The following CNTNAP5 variants were observed in gnomAD, a reference collection of about 807,000 sequenced individuals.
CNTNAP5 encodes the protein contactin associated protein family member 5, also known as contactin-associated protein-like 5.
Under a neutral mutation model 150.2 loss-of-function variants are expected in CNTNAP5, and 72 were observed. The observed-to-expected ratio is 0.48, with a 90% CI of 0.40 to 0.58. CNTNAP5 has a LOEUF of 0.58. Ranked by LOEUF, CNTNAP5 falls within the 20% of genes least tolerant of loss-of-function variation. The probability of loss-of-function intolerance (pLI) is 0.00; values close to 1 mark genes in which losing one functional copy is unlikely to be tolerated. For synonymous variants in CNTNAP5, 672 were observed against 619.8 expected, an observed-to-expected ratio of 1.08 and a Z score of -1.25; for missense variants, 1,636 against 1,626.2, an observed-to-expected ratio of 1.01 and a Z score of -0.10.
At chr2:124,027,770 A>G (rs963451021) in intron 1 of CNTNAP5, among the ~76,000 whole-genome samples, 2 of 152,202 alleles carry the variant, frequency 1.3e-5, no homozygotes, top group Admixed American at 6.5e-5. Flanking sequence ...CTGCTTGCTA[A>G]ATATTTTGAA....
Position 124,860,445 on chromosome 2 carries a change from TTCCTTCTTTCCTTCCTTCC to T in CNTNAP5, c.3218-4859_3218-4841del, listed in dbSNP as rs1558803791. On this transcript the variant is annotated intron_variant, in intron 19 of 23. Transcript: ENST00000682447. Reference sequence around the variant, plus strand: ...CTTCCTTCCTTCCTTCCTTCCTTCCTTCCTTCTTTCCTTCCTTCCTTCCTTCCTTCCTTCCTTCCTTCCT... The same window carrying T: ...CTTCCTTCCTTCCTTCCTTCCTTCCTTTCCTTCCTTCCTTCCTTCCTTCCT... Among the ~76,000 whole-genome samples, 644 of 114,558 alleles carry T rather than the reference TTCCTTCTTTCCTTCCTTCC, an allele frequency of 5.6e-3. 37 individuals are homozygous for T. Among genetic ancestry groups the T allele is most frequent in the African/African-American group, 0.025 (620 of 24,944 alleles). 75.2% of individuals were successfully genotyped at this position (114,558 alleles called of 152,430 possible).
chr2:124,349,874 C>CTTTTTTTTTTTTTTT lies in CNTNAP5; in HGVS notation c.382-67555_382-67541dup, dbSNP rs70996061. On this transcript the variant is annotated intron_variant, in intron 3 of 23. Coordinates refer to ENST00000682447, the MANE Select transcript of CNTNAP5 (RefSeq NM_001367498.1). ...GTTTTGAAATGACTTCTGGCTATTTCTTTTTTTTTTTTTTTTTTTTTTTTT... is the reference window on the plus strand; with the variant it reads ...GTTTTGAAATGACTTCTGGCTATTTCTTTTTTTTTTTTTTTTTTTTTTTTTTTTTTTTTTTTTTTT... 6.1e-4 allele frequency among the ~76,000 whole-genome samples: 50 copies of CTTTTTTTTTTTTTTT among 81,822 alleles called. 11 individuals carry two copies. The highest frequency in any genetic ancestry group is 1.4e-3 in the African/African-American group (28 of 19,828). The allele number at this position is 81,822 out of a possible 152,430, so 53.7% of individuals were successfully genotyped here.
intron 10 of CNTNAP5, among the ~76,000 whole-genome samples, chr2:124,560,571 A>G (rs192616209): frequency 6.6e-6 from 1 of 151,126 alleles, no homozygotes; most frequent in Non-Finnish European, 1.5e-5. Flanking sequence ...TTCTTTTTGT[A>G]ATTACAGGAT....
intron 17 of CNTNAP5, among the ~76,000 whole-genome samples, chr2:124,781,698 CCCT>C (rs572594489): frequency 1.1e-3 from 168 of 152,278 alleles, no homozygotes; most frequent in African/African-American, 3.9e-3. Context: ...TGCACTGGAG[CCCT>C]GCTTTGGACT....
At chr2:124,492,012 G>T (rs1694041315) in intron 7 of CNTNAP5, among the ~76,000 whole-genome samples, 1 of 151,968 alleles carries the variant, frequency 6.6e-6, no homozygotes, top group African/African-American at 2.4e-5. Flanking sequence ...TGCATATTTT[G>T]TATAGTACCC....
intron 5 of CNTNAP5, among the ~76,000 whole-genome samples, chr2:124,437,565 T>C (rs1014292333): frequency 1.3e-5 from 2 of 152,008 alleles, no homozygotes; most frequent in Non-Finnish European, 2.9e-5. Context: ...AAAAGAAAAA[T>C]CCAACTCTTA....
intron 1 of CNTNAP5, among the ~76,000 whole-genome samples, chr2:124,033,117 GTC>G (rs1681110240): frequency 6.6e-6 from 1 of 152,132 alleles, no homozygotes; most frequent in African/African-American, 2.4e-5. Flanking sequence ...TAAATTCCAT[GTC>G]TCTACATTTC....
At chr2:124,856,929 T>C (rs940368299) in intron 19 of CNTNAP5, among the ~76,000 whole-genome samples, 1 of 152,138 alleles carries the variant, frequency 6.6e-6, no homozygotes, top group African/African-American at 2.4e-5. Context: ...GAGCATGAGG[T>C]CCTGGGGGTC....
intron 1 of CNTNAP5, among the ~76,000 whole-genome samples, chr2:124,185,752 C>A (rs1412354163): frequency 1.3e-5 from 2 of 152,112 alleles, no homozygotes; most frequent in Non-Finnish European, 2.9e-5. Context: ...ATCCTTGGCT[C>A]CTCTTTTATG....
intron 13 of CNTNAP5, among the ~76,000 whole-genome samples, chr2:124,733,048 C>T (rs1326516533): frequency 1.3e-5 from 2 of 152,088 alleles, no homozygotes; most frequent in Non-Finnish European, 2.9e-5. Context: ...TCCCTGTTCA[C>T]TTTATTTAAC....
At chr2:124,587,899 A>G (rs1696574146) in intron 11 of CNTNAP5, among the ~76,000 whole-genome samples, 1 of 152,186 alleles carries the variant, frequency 6.6e-6, no homozygotes, top group Non-Finnish European at 1.5e-5. Context: ...AAAAGAGGAG[A>G]GAAGAAATAT....
chr2:124,439,926 A>G (rs1692633018), intron 5 of CNTNAP5, among the ~76,000 whole-genome samples: 1 of 152,126 alleles, frequency 6.6e-6, no homozygotes. Context: ...CATTCCTACT[A>G]AGCTACATAA....
Position 124,685,648 on chromosome 2 carries a change from T to C in CNTNAP5, c.2077+37690T>C, listed in dbSNP as rs141493739. Among the ~76,000 whole-genome samples the C allele has an allele frequency of 9.4e-3, 1,436 of 152,174 alleles. 14 individuals carry two copies. The highest frequency in any genetic ancestry group is 0.02 in the Middle Eastern group (6 of 294). On this transcript the variant is annotated intron_variant, in intron 13 of 23. Transcript: ENST00000682447. ...TATAACTGAGGTTTTTTAAAACGAA[T>C]GCAATTTATTATCTAGGCAGTCTTC...
At position 124,865,394 on chromosome 2, in the gene CNTNAP5, C is replaced by A. The variant is rs1490791107; in HGVS notation, c.3306C>A (p.His1102Gln). The change falls in exon 20 of 24, where the codon CAC becomes CAA. Residue 1102 changes from histidine (H) to glutamine (Q), a missense_variant. Coordinates refer to ENST00000682447, the MANE Select transcript of CNTNAP5 (RefSeq NM_001367498.1). The stretch of plus-strand genomic sequence containing the variant: ...ATAACTTTGCTAACAGAAGGATGCA[C>A]CACTTGAAGATTAACCGAGAGGGAA... Reference protein sequence around the residue: ...DADNFANRRMHHLKINREGRE... With the variant: ...DADNFANRRMQHLKINREGRE... 6.4e-7 allele frequency: 1 copy of A among 1,553,034 alleles called. No homozygotes were observed. Among genetic ancestry groups the A allele is most frequent in the East Asian group, 2.4e-5 (1 of 41,156 alleles).
rs1375537029 is a variant in CNTNAP5, at chr2:124,380,486, G to A, written c.382-36957G>A. Among the ~76,000 whole-genome samples, 3 of 152,166 alleles carry A rather than the reference G, an allele frequency of 2.0e-5. No homozygotes were observed. In the East Asian group the frequency reaches 5.8e-4, roughly 29 times the overall value. On this transcript the variant is annotated intron_variant, in intron 3 of 23. Transcript: ENST00000682447. The stretch of plus-strand genomic sequence containing the variant: ...CTGTAATTCTCTGGAAATCACAGGA[G>A]CCTAGCCTAAGTCCATTCTGTCTCC...
At chr2:124,779,888 A>G (rs1558772399) in intron 17 of CNTNAP5, among the ~76,000 whole-genome samples, 1 of 152,142 alleles carries the variant, frequency 6.6e-6, no homozygotes, top group East Asian at 1.9e-4. Flanking sequence ...GCCTGATTAT[A>G]CTGACCTGAT....
intron 19 of CNTNAP5, among the ~76,000 whole-genome samples, chr2:124,798,809 G>A (rs535597517): frequency 1.8e-4 from 28 of 152,216 alleles, no homozygotes; most frequent in African/African-American, 5.5e-4. Flanking sequence ...TAGGTGGCTT[G>A]CTTCTGGGAA....
intron 13 of CNTNAP5, among the ~76,000 whole-genome samples, chr2:124,660,722 A>G (rs1008356538): frequency 6.6e-6 from 1 of 152,048 alleles, no homozygotes; most frequent in African/African-American, 2.4e-5. Context: ...ATACAATGGT[A>G]AATATTTTTA....
chr2:124,078,353 C>T (rs58304844), intron 1 of CNTNAP5, among the ~76,000 whole-genome samples: 1,687 of 152,210 alleles, frequency 0.011, 34 homozygotes, highest in African/African-American at 0.038. Flanking sequence ...ACAATGATTT[C>T]TTTTGTACAC....
Sources: gnomAD v4.1 joint callset for allele counts (sites outside exome capture counted in the v4.1 genomes callset) on GRCh38, gnomAD v4.1.1 for gene constraint, MANE v1.5 for transcripts, NCBI Gene and HGNC (gene_info 2026-07-23, HGNC 2026-07-21) for gene names.